The following MTA3 variants were observed in gnomAD, a reference collection of about 807,000 sequenced individuals.
The protein encoded by MTA3 is metastasis associated 1 family member 3.
In MTA3, 34 loss-of-function variants were observed where a neutral mutation model predicts 83.5. The ratio of observed to expected loss-of-function variants is 0.41; its 90% CI spans 0.31 to 0.54. MTA3 has a LOEUF of 0.54. Among genes scored for constraint, MTA3 ranks in the 20% least tolerant of loss-of-function variants. The pLI is 0.33. For synonymous variants in MTA3, 303 were observed against 252.7 expected (o/e 1.20, Z -1.89); for missense variants, 761 against 726.4 (o/e 1.05, Z -0.55).
At chr2:42,527,587 T>C (rs1572927723) in intron 2 of MTA3, among the ~76,000 whole-genome samples, 1 of 152,082 alleles carries the variant, frequency 6.6e-6, no homozygotes, top group South Asian at 2.1e-4. Flanking sequence ...ATACAGACAT[T>C]TATCTACATT....
intron 3 of MTA3, among the ~76,000 whole-genome samples, chr2:42,605,675 C>G: frequency 7.9e-6 from 1 of 126,532 alleles, no homozygotes; most frequent in Non-Finnish European, 1.7e-5. Context: ...CTGACCCCCC[C>G]ACCTCCCTCC....
chr2:42,709,174 TTG>T, intron 14 of MTA3, 78 bp downstream of exon 14: 1 of 1,490,526 alleles, frequency 6.7e-7, no homozygotes, highest in Non-Finnish European at 8.9e-7. Context: ...CCTTTTTTTT[TTG>T]TTTGTTTGTT....
chr2:42,634,884 T>C (rs931612496), intron 4 of MTA3, among the ~76,000 whole-genome samples: 1 of 152,216 alleles, frequency 6.6e-6, no homozygotes, highest in Non-Finnish European at 1.5e-5. Flanking sequence ...TCTAATATTA[T>C]CACAACTTTT....
intron 16 of MTA3, chr2:42,752,218 A>G (rs1669927169): frequency 2.1e-6 from 1 of 471,454 alleles, no homozygotes; most frequent in Non-Finnish European, 4.4e-6. Flanking sequence ...GGGTACAGGT[A>G]TCTTCCCTAT....
chr2:42,683,879 C>T (rs1481033549), intron 9 of MTA3, among the ~76,000 whole-genome samples: 1 of 152,132 alleles, frequency 6.6e-6, no homozygotes, highest in Non-Finnish European at 1.5e-5. Flanking sequence ...CAGTCCATGA[C>T]CTGGGGGTTG....
chr2:42,736,446 C>T (rs1464382755), intron 16 of MTA3, among the ~76,000 whole-genome samples: 2 of 152,128 alleles, frequency 1.3e-5, no homozygotes, highest in African/African-American at 2.4e-5. Context: ...TGGCTACCAC[C>T]TGTGTTCACT....
At chr2:42,687,239 C>T (rs1246878441) in intron 9 of MTA3, among the ~76,000 whole-genome samples, 1 of 152,198 alleles carries the variant, frequency 6.6e-6, no homozygotes, top group Non-Finnish European at 1.5e-5. Flanking sequence ...TCCTGGCAAC[C>T]ACTGATTTAT....
At chr2:42,497,401 A>T (rs1184485319) in intron 2 of MTA3, among the ~76,000 whole-genome samples, 2 of 151,944 alleles carry the variant, frequency 1.3e-5, no homozygotes, top group African/African-American at 4.8e-5. Context: ...CCTGGCCAAG[A>T]TGGTGAAACC....
chr2:42,542,660 T>A (rs1449752566), intron 2 of MTA3, among the ~76,000 whole-genome samples: 1 of 152,030 alleles, frequency 6.6e-6, no homozygotes, highest in Non-Finnish European at 1.5e-5. Context: ...CAAGCAATCC[T>A]CCCACCTCAG....
At chr2:42,740,347 T>C (rs1573820454) in intron 16 of MTA3, among the ~76,000 whole-genome samples, 1 of 152,110 alleles carries the variant, frequency 6.6e-6, no homozygotes, top group South Asian at 2.1e-4. Context: ...CCTGTCTCTA[T>C]AAAAAATACA....
At chr2:42,742,393 C>A (rs567075801) in intron 16 of MTA3, among the ~76,000 whole-genome samples, 15 of 152,114 alleles carry the variant, frequency 9.9e-5, no homozygotes, top group Non-Finnish European at 1.8e-4. Flanking sequence ...CCTGCCTCAG[C>A]CTCCCAAAGT....
chr2:42,649,786 C>T (rs1196769154), intron 6 of MTA3, among the ~76,000 whole-genome samples: 3 of 152,108 alleles, frequency 2.0e-5, no homozygotes, highest in Non-Finnish European at 4.4e-5. Context: ...ATATTTCCTT[C>T]AGTGTTTGGG....
chr2:42,718,357 C>T (rs1020287728), intron 14 of MTA3, among the ~76,000 whole-genome samples: 1 of 151,646 alleles, frequency 6.6e-6, no homozygotes, highest in African/African-American at 2.4e-5. Flanking sequence ...AAGCAATTCT[C>T]CTGCCTCAGC....
At chr2:42,543,510 G>A (rs1676615266) in intron 2 of MTA3, among the ~76,000 whole-genome samples, 1 of 145,448 alleles carries the variant, frequency 6.9e-6, no homozygotes, top group African/African-American at 2.5e-5. Context: ...TTTGAGACGG[G>A]GTCTCACTGT....
upstream of MTA3, among the ~76,000 whole-genome samples, chr2:42,566,252 T>C (rs1677907299): frequency 6.6e-6 from 1 of 152,158 alleles, no homozygotes; most frequent in African/African-American, 2.4e-5. Context: ...CCGTCTTTGG[T>C]TGAAAGGTTT....
chr2:42,560,093 T>C (rs1262999051), intron 2 of MTA3, among the ~76,000 whole-genome samples: 1 of 152,022 alleles, frequency 6.6e-6, no homozygotes, highest in Non-Finnish European at 1.5e-5. Context: ...AGATGGAGTT[T>C]TGCTCTGTAA....
At chr2:42,643,309 C>T (rs986494134) in intron 5 of MTA3, among the ~76,000 whole-genome samples, 7 of 152,156 alleles carry the variant, frequency 4.6e-5, no homozygotes, top group Middle Eastern at 3.4e-3. Context: ...ACTGGGCAGC[C>T]GATAACCTTT....
chr2:42,676,336 A>C (rs1028511708), intron 8 of MTA3, among the ~76,000 whole-genome samples: 8 of 152,250 alleles, frequency 5.3e-5, no homozygotes, highest in Non-Finnish European at 1.2e-4. Context: ...AAAAGTATCC[A>C]TAAGAAAAGC....
At chr2:42,644,879 T>G (rs1280813463) in intron 6 of MTA3, among the ~76,000 whole-genome samples, 1 of 152,150 alleles carries the variant, frequency 6.6e-6, no homozygotes, top group African/African-American at 2.4e-5. Context: ...CCTGCCTCTT[T>G]CTCTCTCCTG....
Sources: gnomAD v4.1 joint callset for allele counts (sites outside exome capture counted in the v4.1 genomes callset) on GRCh38, gnomAD v4.1.1 for gene constraint, MANE v1.5 for transcripts, NCBI Gene and HGNC (gene_info 2026-07-23, HGNC 2026-07-21) for gene names.